DENND1A: variants seen among roughly 807,000 people sequenced by gnomAD.
DENND1A encodes DENN domain containing 1A.
Under a neutral mutation model 113.7 loss-of-function variants are expected in DENND1A, and 51 were observed. The observed-to-expected ratio is 0.45, with a 90% confidence interval of 0.36 to 0.57. The LOEUF (loss-of-function observed/expected upper bound fraction) is 0.57, where lower values mean the gene tolerates loss of function less well. Among genes scored for constraint, DENND1A ranks in the 20% least tolerant of loss-of-function variants. The probability of loss-of-function intolerance (pLI) is 0.00; values close to 1 mark genes in which losing one functional copy is unlikely to be tolerated. For synonymous variants in DENND1A, 565 were observed against 570.8 expected (o/e 0.99, Z 0.14); for missense variants, 1,258 against 1,395.9 (o/e 0.90, Z 1.57).
At chr9:123,402,807 C>T (rs187683540) in intron 21 of DENND1A, among the ~76,000 whole-genome samples, 28 of 152,236 alleles carry the variant, frequency 1.8e-4, no homozygotes, top group African/African-American at 5.8e-4. Flanking sequence ...CTTTCTGCCC[C>T]CCTCATTCAC....
At chr9:123,536,919 C>G (rs1030297981) in intron 13 of DENND1A, among the ~76,000 whole-genome samples, 3 of 152,120 alleles carry the variant, frequency 2.0e-5, no homozygotes, top group Non-Finnish European at 2.9e-5. Context: ...TCTTCTCATT[C>G]TAAAGTCAGG....
intron 5 of DENND1A, among the ~76,000 whole-genome samples, chr9:123,693,612 T>C (rs2065309736): frequency 6.6e-6 from 1 of 152,042 alleles, no homozygotes; most frequent in Non-Finnish European, 1.5e-5. Flanking sequence ...ACACTGTATA[T>C]TTTAGCTTTT....
chr9:123,743,431 T>TAAATAATAAA (rs2069187670), intron 5 of DENND1A, among the ~76,000 whole-genome samples: 1 of 137,838 alleles, frequency 7.3e-6, no homozygotes, highest in African/African-American at 2.9e-5. Context: ...AATAAATAAA[T>TAAATAATAAA]AATAAAAATA....
At chr9:123,429,103 C>T (rs1185668232) in intron 19 of DENND1A, among the ~76,000 whole-genome samples, 1 of 152,168 alleles carries the variant, frequency 6.6e-6, no homozygotes, top group Admixed American at 6.5e-5. Context: ...AGCAAAAGGA[C>T]AAAGCTGGAG....
At chr9:123,579,228 A>C (rs1352148113) in intron 12 of DENND1A, among the ~76,000 whole-genome samples, 1 of 152,178 alleles carries the variant, frequency 6.6e-6, no homozygotes, top group Non-Finnish European at 1.5e-5. Context: ...TTCTCAAACA[A>C]CCTTATGTGG....
chr9:123,479,170 G>A (rs2050140174), intron 13 of DENND1A, among the ~76,000 whole-genome samples: 1 of 152,182 alleles, frequency 6.6e-6, no homozygotes, highest in Non-Finnish European at 1.5e-5. Context: ...ACTTGCCCAA[G>A]TCCTCATGAC....
intron 20 of DENND1A, among the ~76,000 whole-genome samples, chr9:123,408,471 G>T (rs1282769814): frequency 6.6e-6 from 1 of 152,138 alleles, no homozygotes; most frequent in Non-Finnish European, 1.5e-5. Flanking sequence ...CCTTTACCAG[G>T]TGGTATTGTT....
chr9:123,694,793 T>G (rs34127022), intron 5 of DENND1A, among the ~76,000 whole-genome samples: 3 of 152,228 alleles, frequency 2.0e-5, no homozygotes, highest in Non-Finnish European at 2.9e-5. Context: ...CACACTTTGG[T>G]ATCTACTCGG....
chr9:123,546,334 G>T (rs535305870), intron 13 of DENND1A, among the ~76,000 whole-genome samples: 44 of 152,006 alleles, frequency 2.9e-4, no homozygotes, highest in Non-Finnish European at 5.0e-4. Flanking sequence ...AGATCACCAG[G>T]TCAGGAGATC....
intron 9 of DENND1A, among the ~76,000 whole-genome samples, chr9:123,641,415 C>T (rs1179256108): frequency 2.1e-5 from 3 of 140,622 alleles, no homozygotes; most frequent in Admixed American, 1.5e-4. Flanking sequence ...TGGCAGAAAT[C>T]GGATGAATTT....
chr9:123,473,911 T>C (rs1238882466), intron 13 of DENND1A, among the ~76,000 whole-genome samples: 1 of 151,948 alleles, frequency 6.6e-6, no homozygotes, highest in Non-Finnish European at 1.5e-5. Flanking sequence ...CTGCTGGTAT[T>C]GGCCATGGGT....
intron 8 of DENND1A, among the ~76,000 whole-genome samples, chr9:123,666,318 T>C (rs553180698): frequency 6.6e-5 from 10 of 152,330 alleles, no homozygotes; most frequent in Admixed American, 6.5e-4. Flanking sequence ...TTTGAAAACA[T>C]GTCATGCAGC....
rs756607001 is a variant in DENND1A at position 123,440,416 on chromosome 9, C to A, written c.1432G>T (p.Ala478Ser). The change falls in exon 19 of 24, where the codon GCC becomes TCC. Residue 478 changes from alanine (A) to serine (S), a missense_variant. By Grantham distance (99) the Ala-to-Ser change is moderately conservative (BLOSUM62 1). This residue lies in a region of DENND1A where 1,159 missense variants were observed against 1,231.7 expected (regional missense o/e 0.94). Transcript: ENST00000394215. ...TCTTCTCGGAGCTTGGGGTCCTTGG[C>A]CTCCACCAGTGGGGACGGTGCAGTC... Reference protein sequence around the residue: ...PKTAPSPLVEAKDPKLREDRR... With the variant: ...PKTAPSPLVESKDPKLREDRR... 3.6e-5 allele frequency: 57 copies of A among 1,594,926 alleles called. No homozygotes were observed. The highest frequency in any genetic ancestry group is 4.5e-5 in the Non-Finnish European group (53 of 1,173,324).
At chr9:123,575,174 G>A (rs2058568065) in intron 12 of DENND1A, among the ~76,000 whole-genome samples, 1 of 152,178 alleles carries the variant, frequency 6.6e-6, no homozygotes, top group South Asian at 2.1e-4. Flanking sequence ...TGCAAGGGAG[G>A]ATGGTTTTGG....
At chr9:123,889,317 G>A (rs1849570094) in intron 1 of DENND1A, among the ~76,000 whole-genome samples, 1 of 152,202 alleles carries the variant, frequency 6.6e-6, no homozygotes, top group South Asian at 2.1e-4. Context: ...GGGATCAAAT[G>A]AGAGAAAAAT....
intron 12 of DENND1A, among the ~76,000 whole-genome samples, chr9:123,562,647 A>T (rs1589146804): frequency 6.6e-6 from 1 of 152,124 alleles, no homozygotes; most frequent in Non-Finnish European, 1.5e-5. Context: ...TACACACTTG[A>T]TTGTTTTGAT....
intron 9 of DENND1A, among the ~76,000 whole-genome samples, chr9:123,632,971 G>A (rs1001455789): frequency 1.3e-5 from 2 of 152,028 alleles, no homozygotes; most frequent in East Asian, 1.9e-4. Flanking sequence ...GCAGTGGCAC[G>A]ATCTCGGCTC....
At chr9:123,552,756 C>T (rs1299152984) in intron 13 of DENND1A, among the ~76,000 whole-genome samples, 1 of 152,268 alleles carries the variant, frequency 6.6e-6, no homozygotes, top group African/African-American at 2.4e-5. Context: ...CCTCAGGGGC[C>T]ATTCCCTGCA....
chr9:123,588,504 C>CA (rs1159884601), intron 11 of DENND1A, among the ~76,000 whole-genome samples: 1 of 150,026 alleles, frequency 6.7e-6, no homozygotes, highest in Non-Finnish European at 1.5e-5. Context: ...CCTGTAATCC[C>CA]AGCTACTTGG....
Sources: allele counts gnomAD v4.1 joint callset (sites outside exome capture counted in the v4.1 genomes callset), GRCh38; gene constraint gnomAD v4.1.1; regional missense constraint gnomAD v4.1.1; transcripts MANE v1.5; gene names NCBI Gene and HGNC (gene_info 2026-07-23, HGNC 2026-07-21).